BMS1: variants seen among roughly 807,000 people sequenced by gnomAD.
BMS1 encodes BMS1 ribosome biogenesis factor.
Under a neutral mutation model 138.7 loss-of-function variants are expected in BMS1, and 53 were observed. The ratio of observed to expected loss-of-function variants is 0.38; its 90% CI spans 0.31 to 0.48. The LOEUF (loss-of-function observed/expected upper bound fraction) is 0.48, where lower values mean the gene tolerates loss of function less well. Ranked by LOEUF, BMS1 falls within the 20% of genes least tolerant of loss-of-function variation. BMS1 has a pLI of 0.97. For missense variants in BMS1, 1,360 were observed against 1,565.5 expected (o/e 0.87, Z 2.22); for synonymous variants, 504 against 539.9 (o/e 0.93, Z 0.92).
At chr10:42,790,009 T>C (rs941744932) in intron 4 of BMS1, among the ~76,000 whole-genome samples, 2 of 152,072 alleles carry the variant, frequency 1.3e-5, no homozygotes, top group African/African-American at 4.8e-5. Flanking sequence ...AGTCAGAGGG[T>C]GGTGGTTTCT....
chr10:42,784,583 A>G lies in BMS1; in HGVS notation c.176+13A>G. ...GATCCTTTCACAGGTATGTTAGGCT[A>G]CGGTCTGGTCATTCTTCCATTGATT... is the stretch of plus-strand genomic sequence containing the variant. On this transcript the variant is annotated intron_variant, in intron 2 of 22. Transcript: ENST00000374518. The G allele has an allele frequency of 6.3e-7, 1 of 1,591,868 alleles. No individual in the cohort carries two copies. The highest frequency in any genetic ancestry group is 8.5e-7 in the Non-Finnish European group (1 of 1,172,522).
intron 17 of BMS1, 78 bp downstream of exon 17, chr10:42,820,766 C>T (rs1842483732): frequency 1.2e-5 from 19 of 1,536,268 alleles, no homozygotes; most frequent in Non-Finnish European, 1.7e-5. Flanking sequence ...TTGTGCTTTT[C>T]TTTCATAAAA....
intron 13 of BMS1, among the ~76,000 whole-genome samples, chr10:42,814,359 C>T (rs532927503): frequency 4.6e-5 from 7 of 152,226 alleles, no homozygotes; most frequent in African/African-American, 1.4e-4. Context: ...TCTCCTCTGT[C>T]GTCTCCACTT....
intron 5 of BMS1, among the ~76,000 whole-genome samples, chr10:42,790,920 G>A (rs182408277): frequency 1.3e-5 from 2 of 152,158 alleles, no homozygotes; most frequent in African/African-American, 4.8e-5. Context: ...TTTCCTTTGT[G>A]TGTGTATTCA....
intron 11 of BMS1, 111 bp from the exon 12 acceptor site, chr10:42,798,357 G>A: frequency 7.4e-7 from 1 of 1,346,340 alleles, no homozygotes; most frequent in Non-Finnish European, 1.0e-6. Context: ...ACCACAGACA[G>A]AGTCCCTCAG....
At chr10:42,822,505 TAAGA>T (rs1436864915) in intron 19 of BMS1, among the ~76,000 whole-genome samples, 1 of 152,124 alleles carries the variant, frequency 6.6e-6, no homozygotes, top group Non-Finnish European at 1.5e-5. Flanking sequence ...TTATTTGTGT[TAAGA>T]AAGGGAAAAA....
chr10:42,784,664 T>G, intron 2 of BMS1, 94 bp downstream of exon 2: 2 of 1,395,642 alleles, frequency 1.4e-6, no homozygotes, highest in Non-Finnish European at 1.9e-6. Flanking sequence ...ACGAGTCTAG[T>G]CCAGCTCCAA....
At chr10:42,783,692 A>G (rs748678080) in intron 1 of BMS1, among the ~76,000 whole-genome samples, 16 of 152,142 alleles carry the variant, frequency 1.1e-4, no homozygotes, top group Non-Finnish European at 2.2e-4. Flanking sequence ...GGGTCTCTGT[A>G]AGTTCATGGG....
At position 42,820,936 on chromosome 10, in the gene BMS1, C is replaced by T. The variant is rs766777801; in HGVS notation, c.2953C>T (p.Pro985Ser). ...TCTTTTTTTCCTTTTCCTTTAAGGC[C>T]CTATCACTCCACAGGGAACTGGTTT... ...HMHCGAAFWG[P>S]ITPQGTGFLA... is the part of the protein sequence containing the mutation. The change falls in exon 18 of 23, where the codon CCT becomes TCT. Residue 985 changes from proline to serine, a missense_variant and splice_region_variant. By Grantham distance (74) the Pro-to-Ser change is moderately conservative. This residue lies in a region of BMS1 where 425 missense variants were observed against 568.3 expected (regional missense o/e 0.75). Coordinates refer to ENST00000374518, the MANE Select transcript of BMS1 (RefSeq NM_014753.4). The T allele has an allele frequency of 6.2e-7, 1 of 1,604,130 alleles. No homozygotes were observed. Among genetic ancestry groups the T allele is most frequent in the Non-Finnish European group, 8.5e-7 (1 of 1,177,682 alleles).
chr10:42,811,559 C>G (rs1026381535), intron 13 of BMS1, among the ~76,000 whole-genome samples: 1 of 112,432 alleles, frequency 8.9e-6, no homozygotes, highest in African/African-American at 3.8e-5. Context: ...GAGTCTCGCT[C>G]TGTCGCCCAG....
intron 19 of BMS1, 129 bp from the exon 20 acceptor site, chr10:42,822,989 T>G: frequency 1.0e-6 from 1 of 967,822 alleles, no homozygotes; most frequent in Admixed American, 3.1e-5. Flanking sequence ...GCGAATACAT[T>G]TTGTTTATTT....
rs915056186 is a variant in BMS1 at position 42,820,582 on chromosome 10, G to A, written c.2844G>A (p.Trp948Ter). 6.2e-7 allele frequency: 1 copy of A among 1,611,430 alleles called. No homozygotes were observed. Reference sequence around the variant, plus strand: ...ATCCAATCATATTTTCTGTAGGGTGGAGGAGGTTTCAGACCATCCCACTGT... The same window carrying A: ...ATCCAATCATATTTTCTGTAGGGTGAAGGAGGTTTCAGACCATCCCACTGT... ...SRDPIIFSVG[W>*]RRFQTIPLYY... The change falls in exon 17 of 23, where the codon TGG (tryptophan) becomes TGA (stop). Residue 948 changes from tryptophan (W) to a stop codon, truncating the protein, a stop_gained. Coordinates refer to ENST00000374518, the MANE Select transcript of BMS1 (RefSeq NM_014753.4). LOFTEE classifies it high-confidence loss of function.
At chr10:42,806,235 AG>A (rs2132340305) in intron 13 of BMS1, among the ~76,000 whole-genome samples, 1 of 152,288 alleles carries the variant, frequency 6.6e-6, no homozygotes, top group East Asian at 1.9e-4. Flanking sequence ...GTTTCTGTGC[AG>A]GATGGTTCTG....
In BMS1 at chr10:42,820,684, T is replaced by C; in HGVS notation, c.2946T>C (p.Phe982=). The C allele has an allele frequency of 3.1e-6, 5 of 1,611,542 alleles. No individual in the cohort carries two copies. The highest frequency in any genetic ancestry group is 4.2e-6 in the Non-Finnish European group (5 of 1,179,514). The change falls in exon 17 of 23, where the codon TTT becomes TTC. Residue 982 remains phenylalanine, a synonymous_variant. Transcript: ENST00000374518. ...TPQHMHCGAA[F]WGPITPQGTG... is the part of the protein sequence containing the mutation. ...AGCACATGCATTGCGGAGCAGCCTT[T>C]TGGGGTAAAATATGATTACAATAAC...
Position 42,820,588 on chromosome 10 carries a change from G to T in BMS1, c.2850G>T (p.Arg950Ser). 6.2e-7 allele frequency: 1 copy of T among 1,611,688 alleles called. No individual in the cohort carries two copies. The highest frequency in any genetic ancestry group is 8.5e-7 in the Non-Finnish European group (1 of 1,179,702). ...TCATATTTTCTGTAGGGTGGAGGAG[G>T]TTTCAGACCATCCCACTGTATTATA... is the stretch of plus-strand genomic sequence containing the variant. ...DPIIFSVGWR[R>S]FQTIPLYYIE... The change falls in exon 17 of 23, where the codon AGG becomes AGT. Residue 950 changes from arginine (R) to serine (S), a missense_variant. Physicochemically the swap from Arg to Ser is moderately radical, Grantham distance 110. Around this residue, in one of 3 missense-constraint regions of BMS1, gnomAD observed 425 missense variants for 568.3 expected, o/e 0.75. Transcript: ENST00000374518.
chr10:42,804,810 T>G (rs2132337181), intron 13 of BMS1, among the ~76,000 whole-genome samples: 1 of 151,830 alleles, frequency 6.6e-6, no homozygotes, highest in Non-Finnish European at 1.5e-5. Flanking sequence ...CCCTGCCCCC[T>G]GGGTTCAAGC....
At chr10:42,809,230 G>A (rs978143378) in intron 13 of BMS1, among the ~76,000 whole-genome samples, 20 of 152,228 alleles carry the variant, frequency 1.3e-4, no homozygotes, top group African/African-American at 3.9e-4. Flanking sequence ...TTAGACCTAA[G>A]TATTTGATTT....
chr10:42,794,121 A>G (rs941261939), intron 9 of BMS1, 130 bp downstream of exon 9: 1 of 1,042,080 alleles, frequency 9.6e-7, no homozygotes, highest in African/African-American at 1.6e-5. Flanking sequence ...TTGTGTGTGC[A>G]TGTGTCTCTG....
rs765143710 is a variant in BMS1, at chr10:42,791,778, T to C, written c.779+9T>C. 3.1e-6 allele frequency: 5 copies of C among 1,594,264 alleles called. No homozygotes were observed. The highest frequency in any genetic ancestry group is 3.4e-6 in the Non-Finnish European group (4 of 1,175,018). The stretch of plus-strand genomic sequence containing the variant: ...TATATCCTGGCAGACAGGTAAAATA[T>C]GATTTTAAGCTTTTTCTTCCTGGGC... On this transcript the variant is annotated intron_variant, in intron 6 of 22. Coordinates refer to ENST00000374518, the MANE Select transcript of BMS1 (RefSeq NM_014753.4).
Sources: allele counts gnomAD v4.1 joint callset (sites outside exome capture counted in the v4.1 genomes callset), GRCh38; gene constraint gnomAD v4.1.1; regional missense constraint gnomAD v4.1.1; transcripts MANE v1.5; gene names NCBI Gene and HGNC (gene_info 2026-07-23, HGNC 2026-07-21).